ALKBH8: variants seen among roughly 807,000 people sequenced by gnomAD.
ALKBH8 encodes tRNA (carboxymethyluridine(34)-5-O)-methyltransferase ALKBH8.
Under a neutral mutation model 59.8 loss-of-function variants are expected in ALKBH8, and 36 were observed. The ratio of observed to expected loss-of-function variants is 0.60; its 90% CI spans 0.46 to 0.79. The LOEUF is 0.79. Among genes scored for constraint, ALKBH8 ranks in the 30% least tolerant of loss-of-function variants. The pLI is 0.00. For synonymous variants in ALKBH8, 276 were observed against 273.6 expected (o/e 1.01, Z -0.09); for missense variants, 768 against 801.0 (o/e 0.96, Z 0.50).
chr11:107,549,798 A>G lies in ALKBH8; in HGVS notation c.726T>C (p.His242=), dbSNP rs905786124. The G allele has an allele frequency of 2.6e-6, 4 of 1,550,056 alleles. No homozygotes were observed. The highest frequency in any genetic ancestry group is 2.0e-5 in the Admixed American group (1 of 50,934). The part of the protein sequence containing the change: ...GQGIPAHIDT[H]SAFEDEIVSL... ...AAACGATCTCATCCTCAAAAGCGGAATGTGTATCAATATGAGCGGGAATTC... is the reference window on the plus strand; with the variant it reads ...AAACGATCTCATCCTCAAAAGCGGAGTGTGTATCAATATGAGCGGGAATTC... Residue 242 remains histidine (H), a synonymous_variant, in exon 7 of 12, where the codon CAT becomes CAC. Transcript: ENST00000428149.
intron 7 of ALKBH8, among the ~76,000 whole-genome samples, chr11:107,536,872 A>G (rs1489224529): frequency 6.6e-6 from 1 of 152,268 alleles, no homozygotes; most frequent in East Asian, 1.9e-4. Flanking sequence ...TGTCTAGGCT[A>G]GGAATGCAAA....
Position 107,525,472 on chromosome 11 carries a change from A to C in ALKBH8, c.999T>G (p.Phe333Leu), listed in dbSNP as rs1467193496. Residue 333 changes from phenylalanine to leucine, a missense_variant, in exon 9 of 12, where the codon TTT (phenylalanine) becomes TTG (leucine). Phe to Leu is a conservative substitution (Grantham distance 22, BLOSUM62 0). Coordinates refer to ENST00000428149, the MANE Select transcript of ALKBH8 (RefSeq NM_138775.3). ...TACAAGGTGTTTGCCTCACTTTCCTAAATGTAAATGATGTTCGTAGTCCCC... is the reference window on the plus strand; with the variant it reads ...TACAAGGTGTTTGCCTCACTTTCCTCAATGTAAATGATGTTCGTAGTCCCC... ...SKRGLRTSFTFRKVRQTPCNC... is the reference protein window; with the variant it reads ...SKRGLRTSFTLRKVRQTPCNC... The C allele has an allele frequency of 2.6e-6, 4 of 1,545,236 alleles. No homozygotes were observed. Among genetic ancestry groups the C allele is most frequent in the Non-Finnish European group, 2.6e-6 (3 of 1,144,120 alleles).
At chr11:107,509,873 T>C (rs1281208038) in intron 11 of ALKBH8, among the ~76,000 whole-genome samples, 2 of 152,246 alleles carry the variant, frequency 1.3e-5, no homozygotes, top group Non-Finnish European at 2.9e-5. Flanking sequence ...TTGTGTACAT[T>C]ATTGTCTTTT....
rs1862237663 is a variant in ALKBH8 at position 107,502,910 on chromosome 11, A to C, written c.*1748T>G. On this transcript the variant is annotated 3_prime_UTR_variant, in exon 12 of 12. Transcript: ENST00000428149. ...TTTTCATAACAACTCTTCCAATTTT[A>C]CAGCTAAGAAAACTGAAGCACAGAA... 6.6e-6 allele frequency: 1 copy of C among 152,194 alleles called. No homozygotes were observed. The highest frequency in any genetic ancestry group is 1.5e-5 in the Non-Finnish European group (1 of 68,022). 9.4% of individuals were successfully genotyped at this position (152,194 alleles called of 1,614,324 possible).
chr11:107,533,570 A>C (rs1863684355), intron 7 of ALKBH8, among the ~76,000 whole-genome samples: 1 of 152,176 alleles, frequency 6.6e-6, no homozygotes, highest in South Asian at 2.1e-4. Flanking sequence ...TCTGTTCCAG[A>C]TGTCTACATA....
chr11:107,524,681 A>G (rs1163581748), intron 9 of ALKBH8, among the ~76,000 whole-genome samples: 1 of 152,230 alleles, frequency 6.6e-6, no homozygotes, highest in Non-Finnish European at 1.5e-5. Flanking sequence ...TATAAAATAT[A>G]GAAATTTCAA....
chr11:107,564,774 C>G (rs1468887290), intron 1 of ALKBH8, among the ~76,000 whole-genome samples: 1 of 152,186 alleles, frequency 6.6e-6, no homozygotes, highest in African/African-American at 2.4e-5. Flanking sequence ...TTCTGTCTTT[C>G]CCCATAACTG....
At chr11:107,515,407 G>C (rs1862822485) in intron 10 of ALKBH8, among the ~76,000 whole-genome samples, 1 of 152,150 alleles carries the variant, frequency 6.6e-6, no homozygotes, top group East Asian at 1.9e-4. Context: ...CCAGGCTGGA[G>C]TGCAATGGCA....
At chr11:107,551,182 G>A (rs910540680) in intron 6 of ALKBH8, among the ~76,000 whole-genome samples, 11 of 151,978 alleles carry the variant, frequency 7.2e-5, no homozygotes, top group African/African-American at 2.7e-4. Context: ...TCCATTACAC[G>A]TCTCCTATGT....
chr11:107,564,704 G>A (rs1218315854), intron 1 of ALKBH8, among the ~76,000 whole-genome samples: 1 of 152,138 alleles, frequency 6.6e-6, no homozygotes, highest in Non-Finnish European at 1.5e-5. Flanking sequence ...ACGGCACCCC[G>A]TTTTAACTCT....
chr11:107,526,202 G>A (rs1160792629), intron 8 of ALKBH8, among the ~76,000 whole-genome samples: 2 of 151,914 alleles, frequency 1.3e-5, no homozygotes, highest in East Asian at 3.9e-4. Context: ...GTTTTCCAAG[G>A]TAGTTGTAAA....
At position 107,549,811 on chromosome 11, in the gene ALKBH8, T is replaced by A. The variant is rs551207976; in HGVS notation, c.713A>T (p.His238Leu). 4 of 1,548,638 alleles carry A rather than the reference T, an allele frequency of 2.6e-6. 1 individual carries two copies. In the South Asian group the frequency reaches 3.6e-5, roughly 14 times the overall value. Residue 238 changes from histidine to leucine, a missense_variant, in exon 7 of 12, where the codon CAT becomes CTT. Transcript: ENST00000428149. The part of the protein sequence containing the change: ...QYEPGQGIPA[H>L]IDTHSAFEDE... The stretch of plus-strand genomic sequence containing the variant: ...CTCAAAAGCGGAATGTGTATCAATA[T>A]GAGCGGGAATTCCTGAGATGGAAAA...
chr11:107,550,950 T>C (rs1864465519), intron 6 of ALKBH8, among the ~76,000 whole-genome samples: 1 of 152,154 alleles, frequency 6.6e-6, no homozygotes, highest in Non-Finnish European at 1.5e-5. Context: ...AAAATACATT[T>C]CTGTTGTTTA....
intron 5 of ALKBH8, among the ~76,000 whole-genome samples, chr11:107,552,344 A>G (rs1026223279): frequency 2.0e-5 from 3 of 150,976 alleles, no homozygotes; most frequent in South Asian, 2.1e-4. Flanking sequence ...TTGTTTCATG[A>G]TGGAAGAAAA....
rs1250011936 is a variant in ALKBH8, at chr11:107,529,411, T to A, written c.878+2889A>T. ...GGTGAACTTGTTTAGAAATATATTG[T>A]TTATCATAGGATTAATTTTCATTTC... On this transcript the variant is annotated intron_variant, in intron 8 of 11. Coordinates refer to ENST00000428149, the MANE Select transcript of ALKBH8 (RefSeq NM_138775.3). Among the ~76,000 whole-genome samples the A allele has an allele frequency of 5.3e-5, 8 of 152,290 alleles. No homozygotes were observed. In the East Asian group the frequency reaches 1.5e-3, roughly 29 times the overall value.
chr11:107,529,357 C>T (rs1199164296), intron 8 of ALKBH8, among the ~76,000 whole-genome samples: 2 of 152,034 alleles, frequency 1.3e-5, no homozygotes, highest in African/African-American at 4.8e-5. Context: ...CTTCCTGGGG[C>T]CAGTCAGATG....
intron 8 of ALKBH8, among the ~76,000 whole-genome samples, chr11:107,527,308 G>A (rs369442021): frequency 2.0e-5 from 3 of 151,776 alleles, no homozygotes; most frequent in African/African-American, 4.8e-5. Flanking sequence ...CTTCATATTC[G>A]CAGGGAATGT....
intron 7 of ALKBH8, among the ~76,000 whole-genome samples, chr11:107,546,301 C>A (rs911342546): frequency 1.3e-5 from 2 of 152,140 alleles, no homozygotes; most frequent in Non-Finnish European, 2.9e-5. Flanking sequence ...ATCTGCCCAA[C>A]AACATTACTA....
chr11:107,561,398 G>A (rs996828476), intron 1 of ALKBH8, among the ~76,000 whole-genome samples: 13 of 151,608 alleles, frequency 8.6e-5, no homozygotes, highest in Non-Finnish European at 1.8e-4. Context: ...AAAAAAGCAA[G>A]GAAATTATAA....
Sources: allele counts gnomAD v4.1 joint callset (sites outside exome capture counted in the v4.1 genomes callset), GRCh38; gene constraint gnomAD v4.1.1; transcripts MANE v1.5; gene names NCBI Gene and HGNC (gene_info 2026-07-23, HGNC 2026-07-21).